Variants in TMCC1 observed in about 807,000 individuals in gnomAD.
TMCC1 encodes transmembrane and coiled-coil domain family 1, also known as transmembrane and coiled-coil domains protein 1.
Under a neutral mutation model 52.4 loss-of-function variants are expected in TMCC1, and 15 were observed. That is an observed-to-expected ratio of 0.29 (90% CI 0.19 to 0.44). The LOEUF (loss-of-function observed/expected upper bound fraction) is 0.44. Among genes scored for constraint, TMCC1 ranks in the 20% least tolerant of loss-of-function variants. The probability of loss-of-function intolerance (pLI) is 1.00; values close to 1 mark genes in which losing one functional copy is unlikely to be tolerated. For missense variants in TMCC1, 503 were observed against 806.0 expected (o/e 0.62, Z 4.55); for synonymous variants, 279 against 301.9 (o/e 0.92, Z 0.79).
chr3:129,707,107 T>C (rs574422770), intron 4 of TMCC1, among the ~76,000 whole-genome samples: 13 of 152,202 alleles, frequency 8.5e-5, no homozygotes, highest in Non-Finnish European at 1.6e-4. Flanking sequence ...ACCCCTCATA[T>C]ACTGTTGCCA....
rs2087845960 is a variant in TMCC1 at position 129,670,548 on chromosome 3, C to T, written c.1293G>A (p.Val431=). The T allele has an allele frequency of 6.2e-7, 1 of 1,614,094 alleles. No homozygotes were observed. Among genetic ancestry groups the T allele is most frequent in the African/African-American group, 1.3e-5 (1 of 74,926 alleles). The part of the protein sequence containing the change: ...EDCSSATSGS[V]GANSTTGGIA... ...TGCCCCCTGTGGTGCTGTTGGCTCC[C>T]ACTGAGCCTGAAGTGGCACTAGAAC... is the stretch of plus-strand genomic sequence containing the variant. The change falls in exon 5 of 7, where the codon GTG becomes GTA. Residue 431 remains valine, a synonymous_variant. Transcript: ENST00000393238.
intron 1 of TMCC1, among the ~76,000 whole-genome samples, chr3:129,888,103 T>C (rs2061803520): frequency 6.6e-6 from 1 of 152,226 alleles, no homozygotes; most frequent in South Asian, 2.1e-4. Context: ...CCCACAGGTA[T>C]ACAGATTAAC....
chr3:129,731,357 C>T (rs569093907), intron 4 of TMCC1, among the ~76,000 whole-genome samples: 18 of 152,318 alleles, frequency 1.2e-4, no homozygotes, highest in Admixed American at 6.5e-4. Context: ...GTGGAGAGAT[C>T]ACATGAGGCC....
intron 5 of TMCC1, among the ~76,000 whole-genome samples, chr3:129,662,631 A>G (rs908140777): frequency 6.6e-6 from 1 of 152,274 alleles, no homozygotes; most frequent in East Asian, 1.9e-4. Context: ...GTGAGACTCC[A>G]TCTCAAAAAA....
intron 4 of TMCC1, among the ~76,000 whole-genome samples, chr3:129,804,666 G>A (rs2057366140): frequency 6.6e-6 from 1 of 152,160 alleles, no homozygotes; most frequent in Non-Finnish European, 1.5e-5. Flanking sequence ...TATTTGGAGA[G>A]TATGTGGTAG....
chr3:129,811,033 G>GT (rs1252925856), intron 4 of TMCC1, among the ~76,000 whole-genome samples: 2 of 152,140 alleles, frequency 1.3e-5, no homozygotes. Context: ...TAACATATGA[G>GT]TTTTTTTAAT....
intron 2 of TMCC1, among the ~76,000 whole-genome samples, chr3:129,842,098 T>G (rs549833676): frequency 6.6e-6 from 1 of 152,306 alleles, no homozygotes; most frequent in South Asian, 2.1e-4. Context: ...CTGATAGGTA[T>G]GACAGAAAAT....
chr3:129,785,240 G>A (rs546070564), intron 4 of TMCC1, among the ~76,000 whole-genome samples: 66 of 152,274 alleles, frequency 4.3e-4, no homozygotes, highest in African/African-American at 1.4e-3. Context: ...TGTAGCTAGA[G>A]TAGTGTCAGT....
At chr3:129,779,640 G>T (rs1042620606) in intron 4 of TMCC1, among the ~76,000 whole-genome samples, 1 of 152,100 alleles carries the variant, frequency 6.6e-6, no homozygotes, top group South Asian at 2.1e-4. Flanking sequence ...GACCTTAGCA[G>T]ATCAAGAGGC....
At chr3:129,811,890 G>C (rs1320404057) in intron 4 of TMCC1, among the ~76,000 whole-genome samples, 5 of 151,542 alleles carry the variant, frequency 3.3e-5, no homozygotes. Flanking sequence ...GTTGCAGTGA[G>C]CCCAGGTTGT....
At chr3:129,750,427 G>A (rs2107653668) in intron 4 of TMCC1, among the ~76,000 whole-genome samples, 1 of 151,440 alleles carries the variant, frequency 6.6e-6, no homozygotes, top group African/African-American at 2.4e-5. Context: ...CCTGACCTCA[G>A]GCAATCCACC....
chr3:129,694,796 C>T lies in TMCC1; in HGVS notation c.577-23532G>A, dbSNP rs1366548586. On this transcript the variant is annotated intron_variant, in intron 4 of 6. Transcript: ENST00000393238. ...CCATAAGAATGGGCAGCCCCTGGGG[C>T]TGCTCTGCCTATGGAGGCCATTCTT... Among the ~76,000 whole-genome samples the T allele has an allele frequency of 2.0e-5, 3 of 152,114 alleles. No individual in the cohort carries two copies. In the East Asian group the frequency reaches 5.8e-4, roughly 29 times the overall value.
chr3:129,704,824 T>G (rs1311435845), intron 4 of TMCC1, among the ~76,000 whole-genome samples: 1 of 152,228 alleles, frequency 6.6e-6, no homozygotes, highest in Non-Finnish European at 1.5e-5. Flanking sequence ...AATAAGAATC[T>G]GTACTGACCT....
At chr3:129,892,900 C>T (rs751016317) in intron 1 of TMCC1, among the ~76,000 whole-genome samples, 11 of 152,192 alleles carry the variant, frequency 7.2e-5, no homozygotes, top group Non-Finnish European at 1.6e-4. Context: ...TAACAGGGGG[C>T]ATCCTGAGGC....
At chr3:129,760,016 C>T (rs1013693310) in intron 4 of TMCC1, among the ~76,000 whole-genome samples, 3 of 150,870 alleles carry the variant, frequency 2.0e-5, no homozygotes, top group African/African-American at 4.9e-5. Context: ...CCACCGCACC[C>T]GGCCCAAAAA....
intron 5 of TMCC1, among the ~76,000 whole-genome samples, chr3:129,662,282 A>G (rs1480845116): frequency 6.6e-6 from 1 of 152,144 alleles, no homozygotes; most frequent in African/African-American, 2.4e-5. Flanking sequence ...TTATTTTATC[A>G]CTATGTGAAC....
intron 4 of TMCC1, among the ~76,000 whole-genome samples, chr3:129,782,254 G>A (rs565614233): frequency 5.9e-5 from 9 of 152,250 alleles, no homozygotes; most frequent in Non-Finnish European, 7.4e-5. Flanking sequence ...CAAGAAAGCC[G>A]TAAATTGAAC....
intron 4 of TMCC1, among the ~76,000 whole-genome samples, chr3:129,709,427 G>C (rs927537065): frequency 1.4e-4 from 18 of 126,360 alleles, no homozygotes; most frequent in African/African-American, 5.3e-4. Flanking sequence ...GGTGAGCTGA[G>C]ATTGTGCCAC....
chr3:129,760,586 T>A (rs1244274393), intron 4 of TMCC1, among the ~76,000 whole-genome samples: 3 of 151,708 alleles, frequency 2.0e-5, no homozygotes, highest in South Asian at 4.1e-4. Flanking sequence ...CACGCCATTC[T>A]CCTGCCTCAG....
Sources: gnomAD v4.1 joint callset for allele counts (sites outside exome capture counted in the v4.1 genomes callset) on GRCh38, gnomAD v4.1.1 for gene constraint, MANE v1.5 for transcripts, NCBI Gene and HGNC (gene_info 2026-07-23, HGNC 2026-07-21) for gene names.